The following MAP1A variants were observed in gnomAD, a reference collection of about 807,000 sequenced individuals.
MAP1A encodes the protein microtubule-associated protein 1A.
In MAP1A, 42 loss-of-function variants were observed where a neutral mutation model predicts 185.9. The ratio of observed to expected loss-of-function variants is 0.23; its 90% confidence interval spans 0.18 to 0.29. The LOEUF (loss-of-function observed/expected upper bound fraction) is 0.29, where lower values mean the gene tolerates loss of function less well. MAP1A is among the 10% of genes least tolerant of loss of function. The pLI, the probability that MAP1A is intolerant of heterozygous loss-of-function variation, is 1.00. For missense variants in MAP1A, 2,995 were observed against 3,450.4 expected (o/e 0.87, Z 3.31); for synonymous variants, 1,229 against 1,335.9 (o/e 0.92, Z 1.74).
In MAP1A at chr15:43,529,954, G is replaced by A; in HGVS notation, c.8256+84G>A. The A allele has an allele frequency of 6.4e-7, 1 of 1,556,950 alleles. No individual in the cohort carries two copies. The highest frequency in any genetic ancestry group is 2.0e-4 in the Middle Eastern group (1 of 5,124). On this transcript the variant is annotated intron_variant, in intron 5 of 5. Coordinates refer to ENST00000300231, the MANE Select transcript of MAP1A (RefSeq NM_002373.6). This position sits in a 1 kb window ranked among gnomAD's most constrained non-coding sequence, Gnocchi z 4.3. ...TGGAACACAGTCCCTATTTATTAAAGGATGGGCCTTTTCTAAGGGCAGCAG... is the reference window on the plus strand; with the variant it reads ...TGGAACACAGTCCCTATTTATTAAAAGATGGGCCTTTTCTAAGGGCAGCAG...
Position 43,529,813 on chromosome 15 carries a change from C to T in MAP1A, c.8199C>T (p.Ser2733=), listed in dbSNP as rs1222586890. The T allele has an allele frequency of 6.2e-7, 1 of 1,613,988 alleles. No individual in the cohort carries two copies. Among genetic ancestry groups the T allele is most frequent in the Non-Finnish European group, 8.5e-7 (1 of 1,180,054 alleles). ...SGNDPANGEP[S]RAVLDALLEG... is the part of the protein sequence containing the mutation. ...ATGACCCTGCCAATGGCGAGCCAAG[C>T]CGGGCTGTGCTGGATGCCCTGCTGG... The change falls in exon 5 of 6, where the codon AGC becomes AGT. Residue 2733 remains serine, a synonymous_variant. Transcript: ENST00000300231. This position sits in a 1 kb window ranked among gnomAD's most constrained non-coding sequence, Gnocchi z 4.3.
chr15:43,524,819 G>A lies in MAP1A; in HGVS notation c.3346G>A (p.Glu1116Lys). 6.2e-7 allele frequency: 1 copy of A among 1,614,166 alleles called. No individual in the cohort carries two copies. Among genetic ancestry groups the A allele is most frequent in the Non-Finnish European group, 8.5e-7 (1 of 1,180,022 alleles). Residue 1116 changes from glutamate to lysine, a missense_variant, in exon 4 of 6, where the codon GAA becomes AAA. Glu to Lys is a moderately conservative substitution (Grantham distance 56, BLOSUM62 1). This residue lies in a region of MAP1A where 2,728 missense variants were observed against 2,986.0 expected (regional missense o/e 0.91). Coordinates refer to ENST00000300231, the MANE Select transcript of MAP1A (RefSeq NM_002373.6). ...GCCCACAGGCCCAATTCTGGGAGCA[G>A]AAGCCCTTCCCGGAGGTTTGAGGAC... ...GEPTGPILGA[E>K]ALPGGLRTLP... is the part of the protein sequence containing the mutation.
Position 43,524,128 on chromosome 15 carries a change from C to T in MAP1A, c.2655C>T (p.Gly885=). 1 of 1,614,168 alleles carries T rather than the reference C, an allele frequency of 6.2e-7. No homozygotes were observed. The highest frequency in any genetic ancestry group is 1.7e-5 in the Admixed American group (1 of 60,026). Residue 885 remains glycine (G), a synonymous_variant, in exon 4 of 6, where the codon GGC becomes GGT. Transcript: ENST00000300231. ...IPSSRTEATQ[G]LDYVPSAGTI... ...CCTCCCGTACTGAAGCTACGCAGGG[C>T]TTGGACTATGTGCCATCAGCTGGTA...
rs756136563 is a variant in MAP1A at position 43,528,820 on chromosome 15, C to T, written c.7347C>T (p.Ser2449=). The T allele has an allele frequency of 6.2e-7, 1 of 1,613,618 alleles. No individual in the cohort carries two copies. The highest frequency in any genetic ancestry group is 8.5e-7 in the Non-Finnish European group (1 of 1,179,948). ...TEPRPHRGEL[S]PSFLNPPLPP... is the part of the protein sequence containing the mutation. ...CTCGGCCCCATCGTGGGGAGCTCTC[C>T]CCATCCTTCCTGAACCCACCTCTGC... is the stretch of plus-strand genomic sequence containing the variant. Residue 2449 remains serine, a synonymous_variant, in exon 4 of 6, where the codon TCC becomes TCT. Transcript: ENST00000300231.
intron 2 of MAP1A, chr15:43,512,333 G>A: frequency 7.4e-7 from 1 of 1,354,740 alleles, no homozygotes; most frequent in Non-Finnish European, 1.0e-6. Context: ...GGTAAGAGCT[G>A]GTCACAGAGG....
At position 43,523,875 on chromosome 15, in the gene MAP1A, T is replaced by C; in HGVS notation, c.2402T>C (p.Val801Ala). 1 of 1,614,038 alleles carries C rather than the reference T, an allele frequency of 6.2e-7. No homozygotes were observed. Among genetic ancestry groups the C allele is most frequent in the Non-Finnish European group, 8.5e-7 (1 of 1,180,002 alleles). The change falls in exon 4 of 6, where the codon GTC (valine) becomes GCC (alanine). Residue 801 changes from valine to alanine, a missense_variant. Physicochemically the swap from Val to Ala is moderately conservative, Grantham distance 64. Transcript: ENST00000300231. ...GCTGTTCCTGCTACCTCTGGCAAAG[T>C]CTATGGAACGCCAGAGACTGAACTC... The part of the protein sequence containing the change: ...DSAVPATSGK[V>A]YGTPETELTY...
Position 43,529,359 on chromosome 15 carries a change from C to T in MAP1A, c.7886C>T (p.Ser2629Leu). ...ARRLDLRGKR[S>L]PTPGKGPADR... ...CGTCTGGATCTTCGGGGAAAACGCTCACCCACCCCTGGTAAAGGGCCTGCA... is the reference window on the plus strand; with the variant it reads ...CGTCTGGATCTTCGGGGAAAACGCTTACCCACCCCTGGTAAAGGGCCTGCA... Residue 2629 changes from serine to leucine, a missense_variant, in exon 4 of 6, where the codon TCA becomes TTA. Physicochemically the swap from Ser to Leu is moderately radical, Grantham distance 145 (BLOSUM62 -2). Coordinates refer to ENST00000300231, the MANE Select transcript of MAP1A (RefSeq NM_002373.6). This position sits in a 1 kb window ranked among gnomAD's most constrained non-coding sequence, Gnocchi z 4.3. The T allele has an allele frequency of 6.2e-7, 1 of 1,613,994 alleles. No homozygotes were observed. Among genetic ancestry groups the T allele is most frequent in the Non-Finnish European group, 8.5e-7 (1 of 1,180,022 alleles).
At position 43,529,044 on chromosome 15, in the gene MAP1A, CCAT is replaced by C; in HGVS notation, c.7574_7576del (p.Ile2525del). On this transcript the variant is annotated inframe_deletion, in exon 4 of 6. Transcript: ENST00000300231. The surrounding 1 kb of genome is among the most constrained non-coding windows in gnomAD (Gnocchi z 4.3). ...CCGCCAGAAACTGAGGAGTGTCCGT[CCAT>C]CACAGCTGAGGCAGCCCTCGACTCA... The C allele has an allele frequency of 6.2e-7, 1 of 1,613,902 alleles. No individual in the cohort carries two copies. The highest frequency in any genetic ancestry group is 1.3e-5 in the African/African-American group (1 of 75,040).
Position 43,530,203 on chromosome 15 carries a change from T to A in MAP1A, c.8391T>A (p.Pro2797=), listed in dbSNP as rs1259394050. The change falls in exon 6 of 6, where the codon CCT becomes CCA. Residue 2797 remains proline, a synonymous_variant. Transcript: ENST00000300231. ...TGGTGATGCAGGATGAGTCCTTCCC[T>A]GCCTGCAAGATTGAGTTCTGAAAGA... ...STVVMQDESF[P]ACKIEF 1.9e-6 allele frequency: 3 copies of A among 1,613,984 alleles called. No homozygotes were observed. In the East Asian group the frequency reaches 6.7e-5, roughly 36 times the overall value.
In MAP1A at chr15:43,520,972, G is replaced by A. The variant is rs2079316904; in HGVS notation, c.-291G>A. The stretch of plus-strand genomic sequence containing the variant: ...GACCACTCCCCTTCTTCCATTCCAG[G>A]TTCATCATCTTCTTAGCAGCTCATC... On this transcript the variant is annotated splice_region_variant and 5_prime_UTR_variant, in exon 3 of 6. Coordinates refer to ENST00000300231, the MANE Select transcript of MAP1A (RefSeq NM_002373.6). 6.5e-7 allele frequency: 1 copy of A among 1,549,632 alleles called. No homozygotes were observed.
intron 1 of MAP1A, 140 bp from the exon 2 acceptor site, chr15:43,520,501 T>C: frequency 1.5e-6 from 1 of 664,390 alleles, no homozygotes; most frequent in Non-Finnish European, 2.7e-6. Context: ...TAGACCTTAC[T>C]CAGCAGTATC....
Position 43,524,982 on chromosome 15 carries a change from C to A in MAP1A, c.3509C>A (p.Pro1170His). ...GACACTGCCAACCAAGAGCCTACCC[C>A]CAAGTCTCCCTGTGGCCTGACAGAA... is the stretch of plus-strand genomic sequence containing the variant. The part of the protein sequence containing the change: ...SPDTANQEPT[P>H]KSPCGLTEQY... Residue 1170 changes from proline to histidine, a missense_variant, in exon 4 of 6, where the codon CCC (proline) becomes CAC (histidine). Pro to His is a moderately conservative substitution (Grantham distance 77). Around this residue, in one of 3 missense-constraint regions of MAP1A, gnomAD observed 2,728 missense variants for 2,986.0 expected, o/e 0.91. Coordinates refer to ENST00000300231, the MANE Select transcript of MAP1A (RefSeq NM_002373.6). 1 of 1,614,190 alleles carries A rather than the reference C, an allele frequency of 6.2e-7. No individual in the cohort carries two copies. Among genetic ancestry groups the A allele is most frequent in the South Asian group, 1.1e-5 (1 of 91,078 alleles).
rs774853646 is a variant in MAP1A at position 43,528,240 on chromosome 15, C to T, written c.6767C>T (p.Ser2256Phe). 1 of 1,614,086 alleles carries T rather than the reference C, an allele frequency of 6.2e-7. No homozygotes were observed. Among genetic ancestry groups the T allele is most frequent in the Non-Finnish European group, 8.5e-7 (1 of 1,180,032 alleles). Residue 2256 changes from serine to phenylalanine, a missense_variant, in exon 4 of 6, where the codon TCT (serine) becomes TTT (phenylalanine). Physicochemically the swap from Ser to Phe is radical, Grantham distance 155. This residue lies in a region of MAP1A where 2,728 missense variants were observed against 2,986.0 expected (regional missense o/e 0.91). Transcript: ENST00000300231. ...CCACGACCTGCCTCACCAGCCCTGT[C>T]TGAGGGCTCCTCCTCTGAGGCTACC... ...NLPRPASPAL[S>F]EGSSSEATTP...
At chr15:43,520,587 G>A (rs890949643) in intron 1 of MAP1A, 54 bp from the exon 2 acceptor site, 2 of 1,173,820 alleles carry the variant, frequency 1.7e-6, no homozygotes, top group Non-Finnish European at 2.5e-6. Context: ...TTCCTCTCCT[G>A]CACCACAATT....
Position 43,524,047 on chromosome 15 carries a change from G to A in MAP1A, c.2574G>A (p.Gln858=). 1.2e-6 allele frequency: 2 copies of A among 1,614,108 alleles called. No homozygotes were observed. Among genetic ancestry groups the A allele is most frequent in the Non-Finnish European group, 1.7e-6 (2 of 1,180,034 alleles). The change falls in exon 4 of 6, where the codon CAG becomes CAA. Residue 858 remains glutamine (Q), a synonymous_variant. Coordinates refer to ENST00000300231, the MANE Select transcript of MAP1A (RefSeq NM_002373.6). ...DQSVASLTAP[Q]TEETGKSSLL... The stretch of plus-strand genomic sequence containing the variant: ...CTGTGGCCTCACTTACAGCTCCCCA[G>A]ACAGAGGAGACAGGCAAGAGCTCCC...
rs898893392 is a variant in MAP1A at position 43,521,953 on chromosome 15, C to T, written c.480C>T (p.Cys160=). The T allele has an allele frequency of 1.9e-6, 3 of 1,614,068 alleles. No homozygotes were observed. The highest frequency in any genetic ancestry group is 2.7e-5 in the African/African-American group (2 of 74,924). ...CCAAGCGTAGCATTGAGGAGGCCTG[C>T]CTCACTCTGCAGCACTTAAACCGCC... ...RKAKRSIEEA[C]LTLQHLNRLG... The change falls in exon 4 of 6, where the codon TGC becomes TGT. Residue 160 remains cysteine (C), a synonymous_variant. Coordinates refer to ENST00000300231, the MANE Select transcript of MAP1A (RefSeq NM_002373.6). The surrounding 1 kb of genome is among the most constrained non-coding windows in gnomAD (Gnocchi z 4.6).
rs774325610 is a variant in MAP1A at position 43,528,365 on chromosome 15, C to T, written c.6892C>T (p.His2298Tyr). Residue 2298 changes from histidine to tyrosine, a missense_variant, in exon 4 of 6, where the codon CAC (histidine) becomes TAC (tyrosine). By Grantham distance (83) the His-to-Tyr change is moderately conservative (BLOSUM62 2). Around this residue, in one of 3 missense-constraint regions of MAP1A, gnomAD observed 2,728 missense variants for 2,986.0 expected, o/e 0.91. Transcript: ENST00000300231. ...GGACCCAGGAATGGAACCAGCTGCCCACAGCCTCTGGGACCTCACTCCTCT... is the reference window on the plus strand; with the variant it reads ...GGACCCAGGAATGGAACCAGCTGCCTACAGCCTCTGGGACCTCACTCCTCT... Reference protein sequence around the residue: ...ELDPGMEPAAHSLWDLTPLSP... With the variant: ...ELDPGMEPAAYSLWDLTPLSP... 2 of 1,614,038 alleles carry T rather than the reference C, an allele frequency of 1.2e-6. No individual in the cohort carries two copies. The highest frequency in any genetic ancestry group is 1.3e-5 in the African/African-American group (1 of 75,064).
upstream of MAP1A, among the ~76,000 whole-genome samples, chr15:43,515,980 A>G (rs1411747158): frequency 6.6e-6 from 1 of 152,114 alleles, no homozygotes; most frequent in Non-Finnish European, 1.5e-5. Flanking sequence ...GTGGCAGCTG[A>G]GAATATGGGT....
Position 43,521,260 on chromosome 15 carries a change from G to A in MAP1A, c.-150-64G>A. The A allele has an allele frequency of 1.3e-6, 2 of 1,495,272 alleles. No individual in the cohort carries two copies. The highest frequency in any genetic ancestry group is 1.8e-6 in the Non-Finnish European group (2 of 1,125,620). The allele number at this position is 1,495,272 out of a possible 1,614,324, so 92.6% of individuals were successfully genotyped here. On this transcript the variant is annotated intron_variant, in intron 3 of 5. Coordinates refer to ENST00000300231, the MANE Select transcript of MAP1A (RefSeq NM_002373.6). This position sits in a 1 kb window ranked among gnomAD's most constrained non-coding sequence, Gnocchi z 4.6. ...GGAAAGAGGTGAAGATTAGGGTACT[G>A]AATCTAAGTCAGACCAAAACAACTC... is the stretch of plus-strand genomic sequence containing the variant.
Sources: allele counts gnomAD v4.1 joint callset (sites outside exome capture counted in the v4.1 genomes callset), GRCh38; gene constraint gnomAD v4.1.1; regional missense constraint gnomAD v4.1.1; non-coding constraint Gnocchi (gnomAD v3.1); transcripts MANE v1.5; gene names NCBI Gene and HGNC (gene_info 2026-07-23, HGNC 2026-07-21).